Variants in NAA60 observed in about 807,000 individuals in gnomAD.
NAA60 encodes the protein N-alpha-acetyltransferase 60.
Under a neutral mutation model 26.1 loss-of-function variants are expected in NAA60, and 8 were observed. That is an observed-to-expected ratio of 0.31 (90% CI 0.18 to 0.55). The LOEUF (loss-of-function observed/expected upper bound fraction) is 0.55, where lower values mean the gene tolerates loss of function less well. Among genes scored for constraint, NAA60 ranks in the 20% least tolerant of loss-of-function variants. The pLI is 0.93. For synonymous variants in NAA60, 131 were observed against 122.5 expected (o/e 1.07, Z -0.46); for missense variants, 290 against 311.3 (o/e 0.93, Z 0.51).
rs1567399951 is a variant in NAA60, at chr16:3,482,496, C to CTT, written c.241-5_241-4insTT. ...AGCCTGACTTTCTCTCTGACTCTTC[C>CTT]TCTAGGATGGAGATATTCTAGCATC... is the stretch of plus-strand genomic sequence containing the variant. On this transcript the variant is annotated splice_polypyrimidine_tract_variant and splice_region_variant and intron_variant, in intron 4 of 7. Transcript: ENST00000407558. 6 of 1,592,170 alleles carry CTT rather than the reference C, an allele frequency of 3.8e-6. No homozygotes were observed. The East Asian group carries it at 1.1e-4, about 30-fold the overall frequency.
chr16:3,453,831 G>C (rs913001436), intron 2 of NAA60, among the ~76,000 whole-genome samples: 1 of 152,162 alleles, frequency 6.6e-6, no homozygotes, highest in African/African-American at 2.4e-5. Context: ...GTAGGTTTCA[G>C]TGGGGAAACC....
intron 2 of NAA60, among the ~76,000 whole-genome samples, chr16:3,464,350 T>C (rs553723395): frequency 6.6e-6 from 1 of 152,300 alleles, no homozygotes; most frequent in East Asian, 1.9e-4. Context: ...CCAGAGGATC[T>C]TAAGTGCAAA....
chr16:3,465,062 T>C (rs1011352805), intron 2 of NAA60, among the ~76,000 whole-genome samples: 2 of 151,598 alleles, frequency 1.3e-5, no homozygotes, highest in Non-Finnish European at 2.9e-5. Flanking sequence ...GGTCAGGAGA[T>C]TGAGACCATC....
Position 3,461,598 on chromosome 16 carries a change from A to G in NAA60, c.-7+13058A>G, listed in dbSNP as rs79354543. Among the ~76,000 whole-genome samples, 443 of 152,320 alleles carry G rather than the reference A, an allele frequency of 2.9e-3. 4 individuals are homozygous for G. The highest frequency in any genetic ancestry group is 0.01 in the African/African-American group (420 of 41,564). On this transcript the variant is annotated intron_variant, in intron 2 of 7. Coordinates refer to ENST00000407558, the MANE Select transcript of NAA60 (RefSeq NM_001083601.3). Reference sequence around the variant, plus strand: ...GTGAAATTATTATCCATTTTGCCCCAAAATGGACTCTTAAACCCCCATACA... The same window carrying G: ...GTGAAATTATTATCCATTTTGCCCCGAAATGGACTCTTAAACCCCCATACA...
chr16:3,451,780 T>G (rs2034795373), intron 2 of NAA60, among the ~76,000 whole-genome samples: 1 of 150,786 alleles, frequency 6.6e-6, no homozygotes, highest in South Asian at 2.1e-4. Flanking sequence ...TAGTGAGGCT[T>G]GGTGGTAGGC....
At chr16:3,443,883 G>C (rs1048514203) in intron 1 of NAA60, 46 bp downstream of exon 1, 101 of 1,512,524 alleles carry the variant, frequency 6.7e-5, no homozygotes, top group Non-Finnish European at 8.5e-5. Flanking sequence ...TTTCGGTCTG[G>C]CCAGAGCAAG....
chr16:3,473,472 C>T (rs747898064), intron 2 of NAA60, among the ~76,000 whole-genome samples: 5 of 152,116 alleles, frequency 3.3e-5, no homozygotes, highest in African/African-American at 7.2e-5. Flanking sequence ...ACAGTATGGG[C>T]GAAACTGCTC....
intron 2 of NAA60, among the ~76,000 whole-genome samples, chr16:3,468,797 C>T (rs923454307): frequency 4.6e-5 from 7 of 152,268 alleles, no homozygotes; most frequent in Admixed American, 2.0e-4. Flanking sequence ...AGGGAGTGGC[C>T]GGGCTCGGTA....
intron 2 of NAA60, among the ~76,000 whole-genome samples, chr16:3,455,955 T>G (rs1460411085): frequency 6.6e-6 from 1 of 152,032 alleles, no homozygotes; most frequent in Non-Finnish European, 1.5e-5. Flanking sequence ...TTCACCCGAC[T>G]TGACCTCCCA....
In NAA60 at chr16:3,476,207, C is replaced by T. The variant is rs541679890; in HGVS notation, c.-6-15C>T. On this transcript the variant is annotated splice_polypyrimidine_tract_variant and intron_variant, in intron 2 of 7. Transcript: ENST00000407558. ...AGGCTGTGAGGTGACGCGTCCCCCC[C>T]ACCCTTCCCCACAGGTGTGAATGAC... 1.3e-5 allele frequency: 21 copies of T among 1,576,100 alleles called. 1 individual carries two copies. The Admixed American group carries it at 1.9e-4, about 14-fold the overall frequency.
Position 3,448,734 on chromosome 16 carries a change from G to A in NAA60, c.-7+194G>A, listed in dbSNP as rs187759757. The stretch of plus-strand genomic sequence containing the variant: ...GGAGGGTAAATGAGTATATTCTTAC[G>A]TTAGGTACACAGGGATACAGTACAA... On this transcript the variant is annotated intron_variant, in intron 2 of 7. Transcript: ENST00000407558. The A allele has an allele frequency of 1.5e-4, 84 of 542,124 alleles. 3 individuals are homozygous for A. In the Admixed American group the frequency reaches 2.1e-3, roughly 13 times the overall value. The allele number at this position is 542,124 out of a possible 1,614,324, so 33.6% of individuals were successfully genotyped here.
chr16:3,475,515 A>T lies in NAA60; in HGVS notation c.-6-707A>T, dbSNP rs560972302. Among the ~76,000 whole-genome samples the T allele has an allele frequency of 9.2e-5, 14 of 151,874 alleles. 1 individual carries two copies. In the South Asian group the frequency reaches 2.9e-3, roughly 32 times the overall value. On this transcript the variant is annotated intron_variant, in intron 2 of 7. Coordinates refer to ENST00000407558, the MANE Select transcript of NAA60 (RefSeq NM_001083601.3). ...CCATTCCTCTCTTCCTTTCTATACAAACTTCCTTGTTAAATAAAACAGGGG... is the reference window on the plus strand; with the variant it reads ...CCATTCCTCTCTTCCTTTCTATACATACTTCCTTGTTAAATAAAACAGGGG...
At position 3,443,723 on chromosome 16, in the gene NAA60, T is replaced by A; in HGVS notation, c.-191T>A. On this transcript the variant is annotated 5_prime_UTR_variant, in exon 1 of 8. It adds an upstream start codon to the 5' untranslated region. Coordinates refer to ENST00000407558, the MANE Select transcript of NAA60 (RefSeq NM_001083601.3). ...TCTCCTCCGTGAGCTCCGGGCCTGT[T>A]TGCCTGCTGAAGTAGAGTCTTAGGG... The A allele has an allele frequency of 6.8e-7, 1 of 1,478,216 alleles. No homozygotes were observed. The highest frequency in any genetic ancestry group is 9.0e-7 in the Non-Finnish European group (1 of 1,117,044). 91.6% of individuals were successfully genotyped at this position (1,478,216 alleles called of 1,614,324 possible).
intron 2 of NAA60, among the ~76,000 whole-genome samples, chr16:3,458,334 C>T (rs895953192): frequency 7.3e-5 from 11 of 150,962 alleles, no homozygotes; most frequent in Admixed American, 2.6e-4. Flanking sequence ...CCCGCGCCCC[C>T]GGCGCACGGT....
chr16:3,463,579 G>C (rs2035553351), intron 2 of NAA60, among the ~76,000 whole-genome samples: 1 of 145,626 alleles, frequency 6.9e-6, no homozygotes, highest in Admixed American at 7.0e-5. Context: ...AAAAATGCAA[G>C]CTGGCGCGGA....
intron 2 of NAA60, chr16:3,462,597 GA>G (rs2035482100): frequency 6.6e-6 from 1 of 152,114 alleles, no homozygotes; most frequent in South Asian, 2.1e-4. Flanking sequence ...TATACACACA[GA>G]AAAGTGCACT....
chr16:3,463,640 G>A (rs889419103), intron 2 of NAA60, among the ~76,000 whole-genome samples: 17 of 151,636 alleles, frequency 1.1e-4, no homozygotes, highest in Non-Finnish European at 2.1e-4. Context: ...TGAGGTATGA[G>A]GATCCTTTGA....
chr16:3,463,856 A>G (rs1384669132), intron 2 of NAA60, among the ~76,000 whole-genome samples: 2 of 152,174 alleles, frequency 1.3e-5, no homozygotes, highest in Non-Finnish European at 2.9e-5. Context: ...AAAGAAATCT[A>G]TGTGTGTGTT....
intron 5 of NAA60, 54 bp from the exon 6 acceptor site, chr16:3,483,309 C>T (rs2151021190): frequency 1.5e-6 from 2 of 1,351,288 alleles, no homozygotes; most frequent in African/African-American, 2.9e-5. Context: ...CTAGCCCAGT[C>T]ATCCTTCCTT....
Sources: allele counts gnomAD v4.1 joint callset (sites outside exome capture counted in the v4.1 genomes callset), GRCh38; gene constraint gnomAD v4.1.1; transcripts MANE v1.5; gene names NCBI Gene and HGNC (gene_info 2026-07-23, HGNC 2026-07-21).